MTUS2: variants seen among roughly 807,000 people sequenced by gnomAD.
MTUS2 encodes the protein microtubule associated scaffold protein 2, also known as microtubule-associated tumor suppressor candidate 2.
MTUS2 carries 40 observed loss-of-function variants against 114.1 expected under a neutral mutation model. The ratio of observed to expected loss-of-function variants is 0.35; its 90% confidence interval spans 0.27 to 0.46. MTUS2 has a LOEUF of 0.46. Among genes scored for constraint, MTUS2 ranks in the 20% least tolerant of loss-of-function variants. The pLI is 1.00. For synonymous variants in MTUS2, 688 were observed against 672.0 expected (o/e 1.02, Z -0.37); for missense variants, 1,679 against 1,705.4 (o/e 0.98, Z 0.27).
At chr13:29,157,083 A>C (rs985854201) in intron 5 of MTUS2, among the ~76,000 whole-genome samples, 1 of 152,140 alleles carries the variant, frequency 6.6e-6, no homozygotes, top group African/African-American at 2.4e-5. Context: ...ATTCATTTTT[A>C]TTGCTGCCCA....
intron 7 of MTUS2, among the ~76,000 whole-genome samples, chr13:29,355,741 C>T (rs369637427): frequency 1.2e-4 from 19 of 152,056 alleles, no homozygotes; most frequent in Non-Finnish European, 2.4e-4. Context: ...TAGGTCATGA[C>T]GAAACACTAA....
At chr13:29,296,763 C>G (rs955329657) in intron 6 of MTUS2, among the ~76,000 whole-genome samples, 1 of 152,036 alleles carries the variant, frequency 6.6e-6, no homozygotes, top group Non-Finnish European at 1.5e-5. Context: ...GTTGTCTATT[C>G]AGCTCATTTG....
At chr13:29,131,907 T>A (rs1015977879) in intron 5 of MTUS2, among the ~76,000 whole-genome samples, 2 of 152,254 alleles carry the variant, frequency 1.3e-5, no homozygotes, top group South Asian at 2.1e-4. Context: ...TCCTTACGTG[T>A]TGTGGTGCTG....
intron 3 of MTUS2, among the ~76,000 whole-genome samples, chr13:29,031,920 G>A (rs1231479831): frequency 2.0e-5 from 3 of 152,010 alleles, no homozygotes; most frequent in African/African-American, 7.3e-5. Context: ...AGCCTGGTAA[G>A]AATGTATTTG....
At chr13:29,054,773 A>G (rs1321541073) in intron 4 of MTUS2, among the ~76,000 whole-genome samples, 1 of 152,004 alleles carries the variant, frequency 6.6e-6, no homozygotes, top group Admixed American at 6.6e-5. Context: ...GATCTAGGAT[A>G]TGTATTTTTG....
chr13:29,178,690 A>AG (rs1372085756), intron 5 of MTUS2, among the ~76,000 whole-genome samples: 2 of 152,108 alleles, frequency 1.3e-5, no homozygotes, highest in African/African-American at 2.4e-5. Context: ...TTAAAAAAAA[A>AG]AAAATTTTTT....
chr13:29,176,059 C>T (rs920022838), intron 5 of MTUS2, among the ~76,000 whole-genome samples: 9 of 151,798 alleles, frequency 5.9e-5, no homozygotes, highest in African/African-American at 1.5e-4. Flanking sequence ...GTCATCAGCT[C>T]ACCGTTTCTG....
chr13:29,008,993 A>G (rs898170355), intron 2 of MTUS2, among the ~76,000 whole-genome samples: 2 of 151,058 alleles, frequency 1.3e-5, no homozygotes, highest in East Asian at 1.9e-4. Context: ...TGATCATCTA[A>G]TTATTTTATC....
intron 5 of MTUS2, among the ~76,000 whole-genome samples, chr13:29,279,433 C>A (rs1381320083): frequency 1.3e-5 from 2 of 152,154 alleles, no homozygotes; most frequent in Non-Finnish European, 1.5e-5. Context: ...CTCACACAAG[C>A]AGTTTATTTC....
chr13:29,021,983 G>A (rs74041706), intron 2 of MTUS2, among the ~76,000 whole-genome samples: 310 of 152,224 alleles, frequency 2.0e-3, no homozygotes, highest in African/African-American at 6.7e-3. Flanking sequence ...GCATGAGAGC[G>A]GGGAGGATGA....
chr13:29,098,629 C>T (rs1254481551), intron 4 of MTUS2, among the ~76,000 whole-genome samples: 1 of 152,130 alleles, frequency 6.6e-6, no homozygotes, highest in African/African-American at 2.4e-5. Flanking sequence ...TCTACATGTT[C>T]CAGTGCTACT....
At chr13:29,172,548 C>T (rs1274170621) in intron 5 of MTUS2, among the ~76,000 whole-genome samples, 1 of 152,154 alleles carries the variant, frequency 6.6e-6, no homozygotes, top group Admixed American at 6.5e-5. Context: ...AGTTCAATGT[C>T]TTCTTCAATT....
chr13:29,334,410 A>C (rs1162087375), intron 7 of MTUS2, among the ~76,000 whole-genome samples: 1 of 152,188 alleles, frequency 6.6e-6, no homozygotes. Flanking sequence ...GGTGGTGACA[A>C]AATCTCTCAG....
intron 9 of MTUS2, among the ~76,000 whole-genome samples, chr13:29,471,246 G>A (rs1042922259): frequency 2.6e-5 from 4 of 152,106 alleles, no homozygotes; most frequent in Non-Finnish European, 5.9e-5. Flanking sequence ...GGGAGGCTGA[G>A]GCAGGAGAAT....
intron 5 of MTUS2, among the ~76,000 whole-genome samples, chr13:29,108,429 C>A (rs1435247765): frequency 6.6e-6 from 1 of 152,184 alleles, no homozygotes; most frequent in African/African-American, 2.4e-5. Context: ...GTTTGGGGAA[C>A]ATTTTTATTT....
chr13:29,457,085 C>T (rs1327087136), intron 9 of MTUS2, among the ~76,000 whole-genome samples: 1 of 149,582 alleles, frequency 6.7e-6, no homozygotes, highest in Non-Finnish European at 1.5e-5. Flanking sequence ...GCGGAGCTTG[C>T]AGTGAGCCGA....
intron 2 of MTUS2, among the ~76,000 whole-genome samples, chr13:28,868,489 A>G (rs1454084211): frequency 6.6e-6 from 1 of 152,090 alleles, no homozygotes; most frequent in Non-Finnish European, 1.5e-5. Flanking sequence ...GTGTCTGTTT[A>G]TGGTGCTCCT....
intron 2 of MTUS2, among the ~76,000 whole-genome samples, chr13:28,882,905 C>T (rs1208054272): frequency 6.6e-6 from 1 of 151,894 alleles, no homozygotes; most frequent in Non-Finnish European, 1.5e-5. Flanking sequence ...TCCATACGTC[C>T]AAAAATAGAC....
chr13:29,473,496 C>A (rs759505136), intron 9 of MTUS2, among the ~76,000 whole-genome samples: 2 of 152,174 alleles, frequency 1.3e-5, no homozygotes, highest in Non-Finnish European at 2.9e-5. Context: ...TTTTACTCTG[C>A]TGTTGTTTCA....
Sources: gnomAD v4.1 joint callset for allele counts (sites outside exome capture counted in the v4.1 genomes callset) on GRCh38, gnomAD v4.1.1 for gene constraint, MANE v1.5 for transcripts, NCBI Gene and HGNC (gene_info 2026-07-23, HGNC 2026-07-21) for gene names.